MAN1A2: variants seen among roughly 807,000 people sequenced by gnomAD.
The protein encoded by MAN1A2 is mannosidase alpha class 1A member 2.
MAN1A2 carries 26 observed loss-of-function variants against 75.7 expected under a neutral mutation model. The observed-to-expected ratio is 0.34, with a 90% CI of 0.25 to 0.48. The LOEUF (loss-of-function observed/expected upper bound fraction) is 0.48. Among genes scored for constraint, MAN1A2 ranks in the 20% least tolerant of loss-of-function variants. The probability of loss-of-function intolerance (pLI) is 0.99; values close to 1 mark genes in which losing one functional copy is unlikely to be tolerated. For synonymous variants in MAN1A2, 247 were observed against 264.6 expected (o/e 0.93, Z 0.65); for missense variants, 562 against 775.5 (o/e 0.72, Z 3.27).
intron 5 of MAN1A2, among the ~76,000 whole-genome samples, chr1:117,422,348 C>T (rs930296639): frequency 2.0e-5 from 3 of 151,926 alleles, no homozygotes; most frequent in African/African-American, 7.2e-5. Context: ...TTACAGTACT[C>T]CATTATGCAT....
intron 1 of MAN1A2, among the ~76,000 whole-genome samples, chr1:117,371,033 T>C (rs1275226637): frequency 6.6e-6 from 1 of 152,208 alleles, no homozygotes; most frequent in African/African-American, 2.4e-5. Context: ...CAGTGGCATG[T>C]ATCTACTTTA....
Position 117,368,225 on chromosome 1 carries a change from A to T in MAN1A2, c.42A>T (p.Ile14=). The T allele has an allele frequency of 1.2e-6, 2 of 1,614,028 alleles. No homozygotes were observed. The highest frequency in any genetic ancestry group is 1.7e-4 in the Middle Eastern group (1 of 6,048). Residue 14 remains isoleucine (I), a synonymous_variant, in exon 1 of 13, where the codon ATA becomes ATT. Coordinates refer to ENST00000356554, the MANE Select transcript of MAN1A2 (RefSeq NM_006699.5). ...PALLPLSGRR[I]PPLNLGPPSF... ...TGCTGCCCCTCTCTGGACGTAGGAT[A>T]CCACCTCTGAACCTGGGGCCGCCTT...
intron 8 of MAN1A2, among the ~76,000 whole-genome samples, chr1:117,487,957 A>G (rs1302331641): frequency 6.6e-6 from 1 of 152,096 alleles, no homozygotes; most frequent in African/African-American, 2.4e-5. Context: ...ATACATTACC[A>G]TCCTTATAAA....
At chr1:117,451,375 G>A (rs1649412420) in intron 6 of MAN1A2, among the ~76,000 whole-genome samples, 1 of 152,230 alleles carries the variant, frequency 6.6e-6, no homozygotes, top group Admixed American at 6.5e-5. Flanking sequence ...AGGCATGTAG[G>A]CGGAGGGGAC....
At chr1:117,435,339 A>G (rs1454229858) in intron 5 of MAN1A2, among the ~76,000 whole-genome samples, 1 of 152,210 alleles carries the variant, frequency 6.6e-6, no homozygotes, top group Non-Finnish European at 1.5e-5. Context: ...CAAAGGAAGC[A>G]GGGAGATTAT....
intron 6 of MAN1A2, among the ~76,000 whole-genome samples, chr1:117,457,329 G>A (rs1469597215): frequency 6.6e-6 from 1 of 151,984 alleles, no homozygotes; most frequent in East Asian, 1.9e-4. Context: ...GTAAATTTTA[G>A]TATCCAGACC....
rs1190426118 is a variant in MAN1A2 at position 117,442,177 on chromosome 1, A to G, written c.856-54A>G. The G allele has an allele frequency of 2.7e-6, 3 of 1,119,544 alleles. No individual in the cohort carries two copies. In the East Asian group the frequency reaches 7.1e-5, roughly 26 times the overall value. 69.4% of individuals were successfully genotyped at this position (1,119,544 alleles called of 1,614,324 possible). ...GTATACTATGAGAGAGAGAGCAATA[A>G]GTAAATGCTTACTAATGGCTATAAT... On this transcript the variant is annotated intron_variant, in intron 5 of 12. Coordinates refer to ENST00000356554, the MANE Select transcript of MAN1A2 (RefSeq NM_006699.5).
At chr1:117,497,981 C>T (rs1002138118) in intron 10 of MAN1A2, among the ~76,000 whole-genome samples, 3 of 151,832 alleles carry the variant, frequency 2.0e-5, no homozygotes, top group African/African-American at 7.2e-5. Context: ...TATGCTAGTT[C>T]ATAAATCTGT....
intron 11 of MAN1A2, among the ~76,000 whole-genome samples, chr1:117,500,333 T>C (rs1267750386): frequency 6.6e-6 from 1 of 151,920 alleles, no homozygotes; most frequent in Non-Finnish European, 1.5e-5. Flanking sequence ...TAACAGAAAG[T>C]TCTTTGCTTA....
intron 5 of MAN1A2, among the ~76,000 whole-genome samples, chr1:117,437,567 G>C (rs1648886418): frequency 6.6e-6 from 1 of 152,154 alleles, no homozygotes; most frequent in Non-Finnish European, 1.5e-5. Flanking sequence ...GTGTGTGTGT[G>C]TGGTCAAGAA....
intron 8 of MAN1A2, among the ~76,000 whole-genome samples, chr1:117,482,964 C>A (rs1650546575): frequency 6.6e-6 from 1 of 152,110 alleles, no homozygotes; most frequent in Non-Finnish European, 1.5e-5. Flanking sequence ...ATATGGCTAG[C>A]CAGTTTTCCC....
intron 1 of MAN1A2, among the ~76,000 whole-genome samples, chr1:117,393,349 A>T (rs1653795063): frequency 6.6e-6 from 1 of 152,202 alleles, no homozygotes; most frequent in Admixed American, 6.5e-5. Context: ...ACTTGCCACT[A>T]AAGGAGTGTA....
rs775754861 is a variant in MAN1A2 at position 117,525,129 on chromosome 1, A to G, written c.*2172A>G. The G allele has an allele frequency of 1.1e-5, 6 of 529,084 alleles. No homozygotes were observed. Among genetic ancestry groups the G allele is most frequent in the Admixed American group, 3.9e-5 (2 of 50,984 alleles). 32.8% of individuals were successfully genotyped at this position (529,084 alleles called of 1,614,324 possible). A position where few individuals can be genotyped will look rare whatever the true frequency, so the allele number is the denominator to read the frequency against. The stretch of plus-strand genomic sequence containing the variant: ...TGAGGAGACAGAACCCCTACTTCCA[A>G]GTGCTCTATTTGTATTACCCAGATG... On this transcript the variant is annotated 3_prime_UTR_variant, in exon 13 of 13. Transcript: ENST00000356554.
At chr1:117,502,571 GA>G in intron 11 of MAN1A2, among the ~76,000 whole-genome samples, 1 of 151,632 alleles carries the variant, frequency 6.6e-6, no homozygotes, top group Non-Finnish European at 1.5e-5. Context: ...CCCTCATTTA[GA>G]AAAAATAGCC....
chr1:117,481,485 T>C (rs183644061), intron 8 of MAN1A2, among the ~76,000 whole-genome samples: 10 of 152,130 alleles, frequency 6.6e-5, no homozygotes, highest in African/African-American at 2.4e-4. Context: ...TATTGCTGTA[T>C]AACAAACCCC....
intron 1 of MAN1A2, among the ~76,000 whole-genome samples, chr1:117,393,188 T>G (rs1389658388): frequency 2.0e-5 from 3 of 152,242 alleles, no homozygotes; most frequent in Admixed American, 1.3e-4. Context: ...TCATTTGCTG[T>G]TGAAAATCAT....
At chr1:117,483,884 C>G (rs1229229712) in intron 8 of MAN1A2, among the ~76,000 whole-genome samples, 1 of 152,068 alleles carries the variant, frequency 6.6e-6, no homozygotes, top group South Asian at 2.1e-4. Flanking sequence ...TCATAAATAG[C>G]TCTTATTATT....
In MAN1A2 at chr1:117,442,253, A is replaced by G. The variant is rs1470508313; in HGVS notation, c.878A>G (p.Gln293Arg). ...CAGATATTCAAGATTAAAGCAGTGC[A>G]ATTGGCTGAGAAACTCCTTCCTGCC... ...GEEIFKIKAVQLAEKLLPAFN... is the reference protein window; with the variant it reads ...GEEIFKIKAVRLAEKLLPAFN... Residue 293 changes from glutamine to arginine, a missense_variant, in exon 6 of 13, where the codon CAA (glutamine) becomes CGA (arginine). Physicochemically the swap from Gln to Arg is conservative, Grantham distance 43 (BLOSUM62 1). Transcript: ENST00000356554. 6.2e-7 allele frequency: 1 copy of G among 1,608,326 alleles called. No individual in the cohort carries two copies. The highest frequency in any genetic ancestry group is 8.5e-7 in the Non-Finnish European group (1 of 1,174,904).
intron 5 of MAN1A2, among the ~76,000 whole-genome samples, chr1:117,431,136 C>G (rs868738786): frequency 1.6e-5 from 2 of 121,350 alleles, no homozygotes; most frequent in Middle Eastern, 4.2e-3. Context: ...TGCAGTGAGC[C>G]GAGATGGCAG....
Sources: gnomAD v4.1 joint callset for allele counts (sites outside exome capture counted in the v4.1 genomes callset) on GRCh38, gnomAD v4.1.1 for gene constraint, MANE v1.5 for transcripts, NCBI Gene and HGNC (gene_info 2026-07-23, HGNC 2026-07-21) for gene names.